Variants in CCDC171 observed in about 807,000 individuals in gnomAD.
CCDC171 encodes coiled-coil domain-containing protein 171.
In CCDC171, 177 loss-of-function variants were observed where a neutral mutation model predicts 168.2. That is an observed-to-expected ratio of 1.05 (90% confidence interval 0.93 to 1.19). CCDC171 has a LOEUF of 1.19. Ranked by LOEUF, CCDC171 falls within the 50% of genes most tolerant of loss-of-function variation. The probability of loss-of-function intolerance (pLI) is 0.00; values close to 1 mark genes in which losing one functional copy is unlikely to be tolerated. For synonymous variants in CCDC171, 687 were observed against 540.8 expected (o/e 1.27, Z -3.75); for missense variants, 1,991 against 1,539.0 (o/e 1.29, Z -4.91).
chr9:15,663,436 C>T (rs1056172370), intron 8 of CCDC171, among the ~76,000 whole-genome samples: 3 of 150,662 alleles, frequency 2.0e-5, no homozygotes, highest in Admixed American at 1.3e-4. Context: ...TATTCTTGTC[C>T]CTCCCATTCC....
intron 25 of CCDC171, among the ~76,000 whole-genome samples, chr9:15,926,941 CTTG>C (rs1825962568): frequency 6.6e-6 from 1 of 151,564 alleles, no homozygotes; most frequent in Admixed American, 6.6e-5. Flanking sequence ...ATTACCATTA[CTTG>C]TTGTTGTTAT....
chr9:16,081,128 T>A, the CCDC171 span, among the ~76,000 whole-genome samples: 1 of 152,178 alleles, frequency 6.6e-6, no homozygotes, highest in Non-Finnish European at 1.5e-5. Flanking sequence ...AGAGCCAACA[T>A]TCTTCTCATC....
the CCDC171 span, among the ~76,000 whole-genome samples, chr9:16,069,794 G>A: frequency 4.6e-5 from 7 of 152,144 alleles, no homozygotes; most frequent in Non-Finnish European, 1.0e-4. Flanking sequence ...TCATTTGAAG[G>A]AGGCTGACAG....
intron 22 of CCDC171, among the ~76,000 whole-genome samples, chr9:15,848,474 T>G (rs962254776): frequency 6.6e-6 from 1 of 151,932 alleles, no homozygotes; most frequent in Admixed American, 6.6e-5. Flanking sequence ...AGCATGGTCA[T>G]TTATTATATA....
chr9:15,814,476 T>C (rs1463310714), intron 21 of CCDC171, among the ~76,000 whole-genome samples: 1 of 152,172 alleles, frequency 6.6e-6, no homozygotes, highest in Non-Finnish European at 1.5e-5. Context: ...GTACAGAAAC[T>C]GTTACTTCCT....
chr9:16,030,865 T>C (rs1182228964), intron 6 of CCDC171, among the ~76,000 whole-genome samples: 1 of 152,166 alleles, frequency 6.6e-6, no homozygotes, highest in Non-Finnish European at 1.5e-5. Flanking sequence ...CGCAGATATT[T>C]TTTTCAAGAG....
At chr9:15,949,805 C>T (rs1014343686) in intron 25 of CCDC171, among the ~76,000 whole-genome samples, 2 of 152,122 alleles carry the variant, frequency 1.3e-5, no homozygotes, top group Non-Finnish European at 2.9e-5. Context: ...ATTTCCTTCT[C>T]CTGCCTAATT....
chr9:15,935,283 C>T (rs1181757685), intron 25 of CCDC171, among the ~76,000 whole-genome samples: 1 of 151,948 alleles, frequency 6.6e-6, no homozygotes, highest in Non-Finnish European at 1.5e-5. Flanking sequence ...ATGACAGAGA[C>T]TCAGAGGAAA....
chr9:15,982,401 G>A (rs1177942169), intron 3 of CCDC171, among the ~76,000 whole-genome samples: 1 of 152,058 alleles, frequency 6.6e-6, no homozygotes, highest in Non-Finnish European at 1.5e-5. Context: ...TCTCTACTGA[G>A]CTCTTGTAAG....
At chr9:16,103,599 A>G in the CCDC171 span, among the ~76,000 whole-genome samples, 1 of 152,244 alleles carries the variant, frequency 6.6e-6, no homozygotes, top group Non-Finnish European at 1.5e-5. Flanking sequence ...GAGGCCAGGC[A>G]GAGGACGTGG....
intron 14 of CCDC171, among the ~76,000 whole-genome samples, chr9:15,725,249 G>C (rs974281314): frequency 6.6e-6 from 1 of 152,042 alleles, no homozygotes; most frequent in African/African-American, 2.4e-5. Flanking sequence ...AAGTAACTAT[G>C]CTCCTAACAG....
At chr9:15,695,713 C>T (rs2051161473) in intron 11 of CCDC171, among the ~76,000 whole-genome samples, 2 of 152,144 alleles carry the variant, frequency 1.3e-5, no homozygotes, top group African/African-American at 4.8e-5. Context: ...AAAGGTCATG[C>T]ATTTAAAAGG....
intron 6 of CCDC171, among the ~76,000 whole-genome samples, chr9:16,026,977 C>A (rs1013092942): frequency 6.6e-6 from 1 of 152,172 alleles, no homozygotes; most frequent in South Asian, 2.1e-4. Context: ...TCATCTGTTT[C>A]CAACCTAGAA....
At chr9:15,984,857 G>A (rs973692915) in intron 3 of CCDC171, among the ~76,000 whole-genome samples, 3 of 152,058 alleles carry the variant, frequency 2.0e-5, no homozygotes, top group African/African-American at 7.2e-5. Context: ...ATTGTGCTAA[G>A]TTTAAAGTCA....
chr9:15,604,489 C>G (rs139272494), intron 6 of CCDC171, among the ~76,000 whole-genome samples: 1 of 152,114 alleles, frequency 6.6e-6, no homozygotes, highest in African/African-American at 2.4e-5. Flanking sequence ...TATTTCATTT[C>G]CAAAATTCTA....
At chr9:15,979,777 T>TTATCTAGTATTATC (rs1831736413) in intron 3 of CCDC171, among the ~76,000 whole-genome samples, 2 of 151,954 alleles carry the variant, frequency 1.3e-5, no homozygotes, top group Non-Finnish European at 2.9e-5. Flanking sequence ...TTATCTAGTA[T>TTATCTAGTATTATC]TAGGCTAATA....
At chr9:15,662,039 G>A (rs10123042) in intron 8 of CCDC171, among the ~76,000 whole-genome samples, 69,768 of 152,138 alleles carry the variant, frequency 0.46, 16,305 homozygotes, top group Non-Finnish European at 0.51. Flanking sequence ...CACTTTGGGA[G>A]GCTGAGGTGG....
intron 6 of CCDC171, among the ~76,000 whole-genome samples, chr9:15,614,036 C>T (rs1366559366): frequency 6.6e-6 from 1 of 152,122 alleles, no homozygotes; most frequent in Non-Finnish European, 1.5e-5. Context: ...CTGAGTGGTT[C>T]TTTCTTTATG....
chr9:15,563,777 A>G (rs2039504317), intron 1 of CCDC171, among the ~76,000 whole-genome samples: 1 of 152,184 alleles, frequency 6.6e-6, no homozygotes, highest in African/African-American at 2.4e-5. Context: ...GTCATTTCTC[A>G]GCACTGAGAT....
Sources: allele counts gnomAD v4.1 joint callset (sites outside exome capture counted in the v4.1 genomes callset), GRCh38; gene constraint gnomAD v4.1.1; transcripts MANE v1.5; gene names NCBI Gene and HGNC (gene_info 2026-07-23, HGNC 2026-07-21).